The following ZNRF3 variants were observed in gnomAD, a reference collection of about 807,000 sequenced individuals.
ZNRF3 encodes the protein E3 ubiquitin-protein ligase ZNRF3.
ZNRF3 carries 23 observed loss-of-function variants against 72.5 expected under a neutral mutation model. That is an observed-to-expected ratio of 0.32 (90% CI 0.23 to 0.45). ZNRF3 has a LOEUF of 0.45. ZNRF3 is among the 20% of genes least tolerant of loss of function. The pLI, the probability that ZNRF3 is intolerant of heterozygous loss-of-function variation, is 1.00. For missense variants in ZNRF3, 1,169 were observed against 1,272.1 expected, an observed-to-expected ratio of 0.92 and a Z score of 1.23; for synonymous variants, 610 against 545.3, an observed-to-expected ratio of 1.12 and a Z score of -1.65.
intron 1 of ZNRF3, among the ~76,000 whole-genome samples, chr22:28,907,180 A>G (rs2034225797): frequency 6.7e-6 from 1 of 149,616 alleles, no homozygotes; most frequent in Non-Finnish European, 1.5e-5. Flanking sequence ...TTTAGTAAAG[A>G]CAGGGTTTCA....
intron 1 of ZNRF3, among the ~76,000 whole-genome samples, chr22:28,907,011 CTCGCTCTG>C: frequency 2.0e-5 from 3 of 146,656 alleles, no homozygotes; most frequent in Middle Eastern, 6.9e-3. Flanking sequence ...GAGATGGACT[CTCGCTCTG>C]TCGCCCAGGC....
At chr22:29,026,578 T>C (rs1005716108) in intron 2 of ZNRF3, 1 of 152,198 alleles carries the variant, frequency 6.6e-6, no homozygotes, top group Non-Finnish European at 1.5e-5. Context: ...TCCATTGCTG[T>C]CTCCTACTCA....
intron 1 of ZNRF3, among the ~76,000 whole-genome samples, chr22:28,945,884 C>T (rs2035045152): frequency 6.6e-6 from 1 of 152,134 alleles, no homozygotes; most frequent in Non-Finnish European, 1.5e-5. Context: ...GAATGAAATT[C>T]TATCCACAAT....
At chr22:29,014,531 A>G (rs892631113) in intron 2 of ZNRF3, among the ~76,000 whole-genome samples, 3 of 152,210 alleles carry the variant, frequency 2.0e-5, no homozygotes, top group Non-Finnish European at 2.9e-5. Context: ...GAGATGCTTC[A>G]GCCTCCTAGC....
chr22:29,045,430 C>T lies in ZNRF3; in HGVS notation c.744+540C>T, dbSNP rs529002694. ...CCTTCTCTGTTCTAAAAGGGCTAGT[C>T]CTACAAAGGTTAAGCATTGGGAATA... On this transcript the variant is annotated intron_variant, in intron 5 of 8. Transcript: ENST00000544604. Among the ~76,000 whole-genome samples the T allele has an allele frequency of 2.6e-5, 4 of 151,208 alleles. 1 individual carries two copies. Among genetic ancestry groups the T allele is most frequent in the Non-Finnish European group, 5.9e-5 (4 of 67,906 alleles).
At chr22:28,966,573 C>T (rs912913601) in intron 1 of ZNRF3, among the ~76,000 whole-genome samples, 15 of 152,028 alleles carry the variant, frequency 9.9e-5, no homozygotes, top group African/African-American at 2.4e-4. Flanking sequence ...ATGATCCTGA[C>T]ATTGTGTAGG....
At chr22:29,036,773 T>G (rs928341434) in intron 2 of ZNRF3, among the ~76,000 whole-genome samples, 2 of 152,022 alleles carry the variant, frequency 1.3e-5, no homozygotes, top group Admixed American at 6.5e-5. Context: ...TTTTAAAAAC[T>G]GGAACAACCC....
At chr22:28,974,816 T>G (rs2035641353) in intron 1 of ZNRF3, among the ~76,000 whole-genome samples, 1 of 152,172 alleles carries the variant, frequency 6.6e-6, no homozygotes, top group Non-Finnish European at 1.5e-5. Flanking sequence ...TTTTAATTTT[T>G]GTAGAGACAG....
At chr22:28,977,551 T>G (rs2035696989) in intron 1 of ZNRF3, among the ~76,000 whole-genome samples, 1 of 152,200 alleles carries the variant, frequency 6.6e-6, no homozygotes, top group African/African-American at 2.4e-5. Flanking sequence ...GGGACTGATG[T>G]GAGACTCTGT....
chr22:28,919,315 A>G (rs1474260833), intron 1 of ZNRF3, among the ~76,000 whole-genome samples: 2 of 152,214 alleles, frequency 1.3e-5, no homozygotes, highest in Non-Finnish European at 2.9e-5. Context: ...AAATAATACC[A>G]TAGAGCTAAC....
chr22:29,020,576 C>A (rs1173254709), intron 2 of ZNRF3, among the ~76,000 whole-genome samples: 1 of 151,690 alleles, frequency 6.6e-6, no homozygotes, highest in Non-Finnish European at 1.5e-5. Flanking sequence ...CATCCTTTTT[C>A]TTTTCCGAGT....
intron 1 of ZNRF3, among the ~76,000 whole-genome samples, chr22:28,889,484 C>T (rs2033847890): frequency 6.6e-6 from 1 of 152,128 alleles, no homozygotes; most frequent in South Asian, 2.1e-4. Flanking sequence ...CTGGGTGCCT[C>T]CATTGAACAT....
intron 1 of ZNRF3, among the ~76,000 whole-genome samples, chr22:28,905,849 A>G (rs1438328612): frequency 6.6e-6 from 1 of 152,194 alleles, no homozygotes; most frequent in Non-Finnish European, 1.5e-5. Flanking sequence ...GAGGATTCTG[A>G]GCGATAAGAT....
rs932736740 is a variant in ZNRF3, at chr22:29,054,715, G to A, written c.*1093G>A. 8 of 152,694 alleles carry A rather than the reference G, an allele frequency of 5.2e-5. No individual in the cohort carries two copies. Among genetic ancestry groups the A allele is most frequent in the African/African-American group, 1.9e-4 (8 of 41,462 alleles). The allele number at this position is 152,694 out of a possible 1,614,324, so 9.5% of individuals were successfully genotyped here. On this transcript the variant is annotated 3_prime_UTR_variant, in exon 9 of 9. Transcript: ENST00000544604. Reference sequence around the variant, plus strand: ...CACTGACCCAGCAGCACACCCATGTGCAGTGCGCCTGCATCTGTGTGGGGG... The same window carrying A: ...CACTGACCCAGCAGCACACCCATGTACAGTGCGCCTGCATCTGTGTGGGGG...
intron 1 of ZNRF3, 100 bp from the exon 2 acceptor site, chr22:28,986,976 T>A (rs2035865508): frequency 2.7e-6 from 4 of 1,481,058 alleles, no homozygotes; most frequent in Non-Finnish European, 3.6e-6. Flanking sequence ...ATTTTAAGTT[T>A]TGACGTTACT....
At chr22:28,918,845 C>T (rs912761995) in intron 1 of ZNRF3, among the ~76,000 whole-genome samples, 6 of 152,122 alleles carry the variant, frequency 3.9e-5, no homozygotes, top group African/African-American at 1.2e-4. Context: ...CCTAAAAGAA[C>T]GCTGGGCATG....
intron 2 of ZNRF3, among the ~76,000 whole-genome samples, chr22:29,022,681 T>A (rs5997431): frequency 0.46 from 70,353 of 152,060 alleles, 16,689 homozygotes; most frequent in Non-Finnish European, 0.51. Flanking sequence ...TTAGAAGCAA[T>A]CTCAGTAGGT....
At chr22:28,907,951 A>G (rs372732086) in intron 1 of ZNRF3, among the ~76,000 whole-genome samples, 14 of 152,366 alleles carry the variant, frequency 9.2e-5, no homozygotes, top group African/African-American at 3.4e-4. Flanking sequence ...AAGCTTTCAG[A>G]GGGAAGTGGG....
intron 2 of ZNRF3, among the ~76,000 whole-genome samples, chr22:29,003,953 T>G (rs2036197144): frequency 6.6e-6 from 1 of 152,248 alleles, no homozygotes; most frequent in South Asian, 2.1e-4. Flanking sequence ...ATAAGAAAAT[T>G]GCCTGTTTTG....
Sources: allele counts gnomAD v4.1 joint callset (sites outside exome capture counted in the v4.1 genomes callset), GRCh38; gene constraint gnomAD v4.1.1; transcripts MANE v1.5; gene names NCBI Gene and HGNC (gene_info 2026-07-23, HGNC 2026-07-21).